RNF17: variants seen among roughly 807,000 people sequenced by gnomAD.
RNF17 encodes spermatogenesis associated 23.
A neutral mutation model predicts 200.5 loss-of-function variants in RNF17; 31 were observed. That is an observed-to-expected ratio of 0.15 (90% CI 0.12 to 0.21). The LOEUF is 0.21. Among genes scored for constraint, RNF17 ranks in the 10% least tolerant of loss-of-function variants. The pLI is 1.00. For synonymous variants in RNF17, 606 were observed against 637.8 expected, an observed-to-expected ratio of 0.95 and a Z score of 0.75; for missense variants, 1,628 against 1,905.1, an observed-to-expected ratio of 0.85 and a Z score of 2.71.
chr13:24,861,243 A>G (rs770864536), intron 26 of RNF17, 25 bp from the exon 27 acceptor site: 5 of 1,543,754 alleles, frequency 3.2e-6, no homozygotes, highest in Non-Finnish European at 4.4e-6. Flanking sequence ...AATTTTAACT[A>G]TAAATTGTAT....
intron 18 of RNF17, 123 bp downstream of exon 18, chr13:24,832,101 TG>T: frequency 1.5e-6 from 1 of 664,258 alleles, no homozygotes; most frequent in African/African-American, 1.8e-5. Context: ...AGATAAGATT[TG>T]TTGAGAATTA....
chr13:24,766,593 G>A (rs1181924756), intron 1 of RNF17, among the ~76,000 whole-genome samples: 1 of 152,152 alleles, frequency 6.6e-6, no homozygotes, highest in Non-Finnish European at 1.5e-5. Context: ...GGCCCTTCCT[G>A]ACCTCTTCAC....
At chr13:24,799,332 TA>T (rs1884973625) in intron 11 of RNF17, 62 bp from the exon 12 acceptor site, 12 of 1,295,768 alleles carry the variant, frequency 9.3e-6, no homozygotes, top group Non-Finnish European at 1.3e-5. Flanking sequence ...AACGTGTCTG[TA>T]AACTTATGAA....
chr13:24,802,782 G>T lies in RNF17; in HGVS notation c.1949+211G>T, dbSNP rs1345119. Among the ~76,000 whole-genome samples, 386 of 152,298 alleles carry T rather than the reference G, an allele frequency of 2.5e-3. 2 individuals carry two copies. Among genetic ancestry groups the T allele is most frequent in the African/African-American group, 8.8e-3 (366 of 41,558 alleles). ...TTTAAGAAAATAGGCTGGGCAGGGC[G>T]TCTCACAACTGTAATTCTAGCACTG... On this transcript the variant is annotated intron_variant, in intron 14 of 35. Coordinates refer to ENST00000255324, the MANE Select transcript of RNF17 (RefSeq NM_031277.3).
chr13:24,758,099 T>C, the RNF17 span, among the ~76,000 whole-genome samples: 1 of 152,246 alleles, frequency 6.6e-6, no homozygotes, highest in East Asian at 1.9e-4. Flanking sequence ...GAATCCACTA[T>C]GCTTTCTGTA....
chr13:24,821,937 A>C (rs1188352938), intron 15 of RNF17, among the ~76,000 whole-genome samples: 1 of 152,142 alleles, frequency 6.6e-6, no homozygotes, highest in Non-Finnish European at 1.5e-5. Context: ...GGAGTTTAGG[A>C]GTGGCGGTTT....
chr13:24,813,162 G>A (rs1036422632), intron 15 of RNF17, among the ~76,000 whole-genome samples: 1 of 151,688 alleles, frequency 6.6e-6, no homozygotes, highest in African/African-American at 2.4e-5. Context: ...CTTTTTATTT[G>A]TTTTTTATTT....
rs750231514 is a variant in RNF17 at position 24,854,153 on chromosome 13, T to G, written c.3610+9T>G. 2.5e-6 allele frequency: 4 copies of G among 1,596,322 alleles called. No individual in the cohort carries two copies. The highest frequency in any genetic ancestry group is 3.4e-6 in the Non-Finnish European group (4 of 1,168,010). On this transcript the variant is annotated intron_variant, in intron 25 of 35. Transcript: ENST00000255324. ...AGTACCTAAACTATCAGGTGAGACCTTCTATGTTATGTAGGCTCTAGTTCT... is the reference window on the plus strand; with the variant it reads ...AGTACCTAAACTATCAGGTGAGACCGTCTATGTTATGTAGGCTCTAGTTCT...
At chr13:24,838,032 A>G (rs1313534201) in intron 18 of RNF17, among the ~76,000 whole-genome samples, 1 of 152,194 alleles carries the variant, frequency 6.6e-6, no homozygotes, top group African/African-American at 2.4e-5. Flanking sequence ...CCACTGAAGT[A>G]CAAAAGATCA....
chr13:24,879,241 C>T lies in RNF17; in HGVS notation c.4828C>T (p.His1610Tyr). The change falls in exon 35 of 36, where the codon CAT becomes TAT. Residue 1610 changes from histidine to tyrosine, a missense_variant. By Grantham distance (83) the His-to-Tyr change is moderately conservative. Coordinates refer to ENST00000255324, the MANE Select transcript of RNF17 (RefSeq NM_031277.3). ...TLYDDEQHPV[H>Y]MPLVEMGLAD... ...ATATGACGATGAACAGCATCCAGTT[C>T]ATATGCCGTTGGTAGAAATGGGGCT... 5.0e-6 allele frequency: 8 copies of T among 1,613,788 alleles called. No individual in the cohort carries two copies. The highest frequency in any genetic ancestry group is 6.8e-6 in the Non-Finnish European group (8 of 1,179,686).
At chr13:24,886,664 T>C in the RNF17 span, among the ~76,000 whole-genome samples, 1 of 152,188 alleles carries the variant, frequency 6.6e-6, no homozygotes, top group African/African-American at 2.4e-5. Context: ...AAGAATGTCA[T>C]GCTTCACCCC....
chr13:24,796,170 T>G lies in RNF17; in HGVS notation c.1274T>G (p.Ile425Arg). 1 of 1,612,412 alleles carries G rather than the reference T, an allele frequency of 6.2e-7. No individual in the cohort carries two copies. Among genetic ancestry groups the G allele is most frequent in the Non-Finnish European group, 8.5e-7 (1 of 1,179,000 alleles). ...GAGCTAGTTTTTGTAAGCCATGTAA[T>G]AGATCCTTGCCATTTCTACATTCGG... Reference protein sequence around the residue: ...SAELVFVSHVIDPCHFYIRKY... With the variant: ...SAELVFVSHVRDPCHFYIRKY... Residue 425 changes from isoleucine to arginine, a missense_variant, in exon 11 of 36, where the codon ATA becomes AGA. Physicochemically the swap from Ile to Arg is moderately conservative, Grantham distance 97 (BLOSUM62 -3). Around this residue, in one of 5 missense-constraint regions of RNF17, gnomAD observed 502 missense variants for 501.7 expected, o/e 1.00. Coordinates refer to ENST00000255324, the MANE Select transcript of RNF17 (RefSeq NM_031277.3).
intron 32 of RNF17, among the ~76,000 whole-genome samples, chr13:24,871,633 CTTT>C (rs143831233): frequency 3.1e-5 from 4 of 128,510 alleles, no homozygotes; most frequent in African/African-American, 5.9e-5. Context: ...CTTGCCCAGC[CTTT>C]TTTTTTTTTT....
rs549491237 is a variant in RNF17, at chr13:24,877,443, T to C, written c.4773+257T>C. Among the ~76,000 whole-genome samples, 3 of 152,312 alleles carry C rather than the reference T, an allele frequency of 2.0e-5. No homozygotes were observed. In the South Asian group the frequency reaches 6.2e-4, roughly 32 times the overall value. On this transcript the variant is annotated intron_variant, in intron 34 of 35. Transcript: ENST00000255324. ...AATATCATTTATGTAATTAATAAAA[T>C]GCTCAAGATGAGTATCCCATAATTA...
intron 30 of RNF17, 100 bp downstream of exon 30, chr13:24,866,303 T>G (rs1044520175): frequency 1.4e-5 from 9 of 639,058 alleles, no homozygotes; most frequent in Non-Finnish European, 2.5e-5. Flanking sequence ...GTTTTATTAT[T>G]TATATATCAT....
intron 15 of RNF17, among the ~76,000 whole-genome samples, chr13:24,822,127 C>T (rs544437167): frequency 6.0e-4 from 91 of 152,260 alleles, no homozygotes; most frequent in African/African-American, 1.9e-3. Context: ...TTACATAGCA[C>T]GCCAGAAAGG....
intron 10 of RNF17, among the ~76,000 whole-genome samples, chr13:24,794,956 C>T (rs1290939159): frequency 6.6e-5 from 10 of 152,142 alleles, no homozygotes; most frequent in Middle Eastern, 3.2e-3. Flanking sequence ...TGTCCTCAAG[C>T]GATCCTCCCT....
At chr13:24,809,794 C>T (rs987467285) in intron 15 of RNF17, among the ~76,000 whole-genome samples, 3 of 152,060 alleles carry the variant, frequency 2.0e-5, no homozygotes, top group Non-Finnish European at 4.4e-5. Flanking sequence ...ATAAATTTCC[C>T]TCTACACACT....
chr13:24,785,907 G>A (rs1017077378), intron 6 of RNF17, among the ~76,000 whole-genome samples: 1 of 151,940 alleles, frequency 6.6e-6, no homozygotes, highest in Non-Finnish European at 1.5e-5. Flanking sequence ...ACCTCTATAT[G>A]TCTTTAGACC....
Sources: allele counts gnomAD v4.1 joint callset (sites outside exome capture counted in the v4.1 genomes callset), GRCh38; gene constraint gnomAD v4.1.1; regional missense constraint gnomAD v4.1.1; transcripts MANE v1.5; gene names NCBI Gene and HGNC (gene_info 2026-07-23, HGNC 2026-07-21).